PTPRZ1: variants seen among roughly 807,000 people sequenced by gnomAD.
PTPRZ1 encodes receptor-type tyrosine-protein phosphatase zeta.
Under a neutral mutation model 214.1 loss-of-function variants are expected in PTPRZ1, and 82 were observed. The observed-to-expected ratio is 0.38, with a 90% CI of 0.32 to 0.46. The LOEUF is 0.46. Among genes scored for constraint, PTPRZ1 ranks in the 20% least tolerant of loss-of-function variants. PTPRZ1 has a pLI of 1.00. For synonymous variants in PTPRZ1, 945 were observed against 987.9 expected (o/e 0.96, Z 0.81); for missense variants, 2,603 against 2,748.7 (o/e 0.95, Z 1.19).
chr7:122,020,349 G>A (rs879563577), intron 13 of PTPRZ1, among the ~76,000 whole-genome samples: 2 of 152,174 alleles, frequency 1.3e-5, no homozygotes, highest in Non-Finnish European at 2.9e-5. Context: ...TTACACAAAA[G>A]TGTATGCGTA....
chr7:122,057,050 T>C (rs1331048530), intron 27 of PTPRZ1, among the ~76,000 whole-genome samples: 1 of 152,008 alleles, frequency 6.6e-6, no homozygotes, highest in Non-Finnish European at 1.5e-5. Context: ...TTGTTGTGTT[T>C]TGTCTTGGTT....
intron 1 of PTPRZ1, chr7:121,908,785 C>T (rs777129320): frequency 1.0e-5 from 5 of 492,970 alleles, no homozygotes; most frequent in African/African-American, 3.9e-5. Flanking sequence ...TAGTGCTACT[C>T]ATCTTTCTGG....
chr7:121,926,478 G>A (rs1318897287), intron 1 of PTPRZ1, among the ~76,000 whole-genome samples: 1 of 152,030 alleles, frequency 6.6e-6, no homozygotes, highest in African/African-American at 2.4e-5. Context: ...GAAGGAGGAT[G>A]ATGTATTGAT....
chr7:121,874,061 C>CACACACACACACACACCT (rs1415912592), intron 1 of PTPRZ1, among the ~76,000 whole-genome samples: 15 of 151,764 alleles, frequency 9.9e-5, no homozygotes, highest in African/African-American at 3.6e-4. Context: ...CACACACACA[C>CACACACACACACACACCT]ACACCTGAAA....
chr7:122,028,986 C>A (rs894727655), intron 14 of PTPRZ1, among the ~76,000 whole-genome samples: 2 of 151,320 alleles, frequency 1.3e-5, no homozygotes, highest in Non-Finnish European at 3.0e-5. Flanking sequence ...GAAACCCAAG[C>A]AACAAAAGTC....
chr7:121,880,421 C>T (rs1794203150), intron 1 of PTPRZ1, among the ~76,000 whole-genome samples: 1 of 152,088 alleles, frequency 6.6e-6, no homozygotes, highest in Admixed American at 6.6e-5. Flanking sequence ...GAGAAACATT[C>T]TACCCTCTCT....
intron 2 of PTPRZ1, among the ~76,000 whole-genome samples, chr7:121,942,638 A>G (rs998068404): frequency 6.6e-6 from 1 of 152,230 alleles, no homozygotes; most frequent in East Asian, 1.9e-4. Flanking sequence ...ATGAGTTTTT[A>G]TGCCACCATC....
chr7:121,887,105 A>C (rs1462538041), intron 1 of PTPRZ1, among the ~76,000 whole-genome samples: 4 of 152,030 alleles, frequency 2.6e-5, no homozygotes, highest in Non-Finnish European at 5.9e-5. Context: ...GGGAAACATC[A>C]TCTCACCCAT....
intron 9 of PTPRZ1, 38 bp downstream of exon 9, chr7:121,996,604 T>C: frequency 7.0e-7 from 1 of 1,421,792 alleles, no homozygotes; most frequent in Non-Finnish European, 9.5e-7. Flanking sequence ...AGGGTAACAT[T>C]ATAATTTAAT....
At chr7:121,924,034 C>A (rs1169879650) in intron 1 of PTPRZ1, among the ~76,000 whole-genome samples, 1 of 151,794 alleles carries the variant, frequency 6.6e-6, no homozygotes, top group Non-Finnish European at 1.5e-5. Context: ...TTTAAGGTAA[C>A]CTTAAAAAAG....
At chr7:121,995,398 C>A (rs1298583368) in intron 8 of PTPRZ1, among the ~76,000 whole-genome samples, 1 of 152,092 alleles carries the variant, frequency 6.6e-6, no homozygotes, top group Admixed American at 6.5e-5. Context: ...GCAAATCTGG[C>A]CCATGAAGAG....
intron 1 of PTPRZ1, among the ~76,000 whole-genome samples, chr7:121,893,523 G>T (rs1794700356): frequency 6.6e-6 from 1 of 152,188 alleles, no homozygotes; most frequent in Non-Finnish European, 1.5e-5. Context: ...TCCCTTTACA[G>T]ATACAATGCA....
In PTPRZ1 at chr7:122,051,434, A is replaced by G. The variant is rs200853461; in HGVS notation, c.6091A>G (p.Ser2031Gly). 9.3e-6 allele frequency: 15 copies of G among 1,612,436 alleles called. No individual in the cohort carries two copies. The highest frequency in any genetic ancestry group is 2.7e-5 in the African/African-American group (2 of 74,794). Reference sequence around the variant, plus strand: ...TTTTTACTTTCTTGCCCAGCTCCTGAGCCAGTCAAATATACAGCAGAGTGA... The same window carrying G: ...TTTTTACTTTCTTGCCCAGCTCCTGGGCCAGTCAAATATACAGCAGAGTGA... ...TKLEKQFQLL[S>G]QSNIQQSDYS... Residue 2031 changes from serine (S) to glycine (G), a missense_variant, in exon 24 of 30, where the codon AGC (serine) becomes GGC (glycine). Physicochemically the swap from Ser to Gly is moderately conservative, Grantham distance 56 (BLOSUM62 0). Coordinates refer to ENST00000393386, the MANE Select transcript of PTPRZ1 (RefSeq NM_002851.3).
intron 23 of PTPRZ1, among the ~76,000 whole-genome samples, chr7:122,049,500 A>G (rs1329271406): frequency 2.0e-5 from 3 of 152,104 alleles, no homozygotes; most frequent in Non-Finnish European, 2.9e-5. Flanking sequence ...GCTTTGAGTG[A>G]TTAGAAAATG....
Position 122,034,363 on chromosome 7 carries a change from A to G in PTPRZ1, c.5269A>G (p.Ile1757Val), listed in dbSNP as rs1226043783. ...AGACAACAAGCACAAGAATCGATACATAAATATCGTTGCCTGTAAGTATAT... is the reference window on the plus strand; with the variant it reads ...AGACAACAAGCACAAGAATCGATACGTAAATATCGTTGCCTGTAAGTATAT... ...HPDNKHKNRY[I>V]NIVAYDHSRV... Residue 1757 changes from isoleucine to valine, a missense_variant, in exon 17 of 30, where the codon ATA becomes GTA. By Grantham distance (29) the Ile-to-Val change is conservative. Coordinates refer to ENST00000393386, the MANE Select transcript of PTPRZ1 (RefSeq NM_002851.3). 1 of 1,612,832 alleles carries G rather than the reference A, an allele frequency of 6.2e-7. No homozygotes were observed. Among genetic ancestry groups the G allele is most frequent in the Non-Finnish European group, 8.5e-7 (1 of 1,179,242 alleles).
Position 122,013,213 on chromosome 7 carries a change from A to G in PTPRZ1, c.4167A>G (p.Ser1389=). 4 of 1,614,176 alleles carry G rather than the reference A, an allele frequency of 2.5e-6. No individual in the cohort carries two copies. Among genetic ancestry groups the G allele is most frequent in the Non-Finnish European group, 3.4e-6 (4 of 1,180,028 alleles). ...CCCACAGAGATGGTTCTGTAACCTCAACAAAGTTGCTGTTTCCTTCTAAGG... is the reference window on the plus strand; with the variant it reads ...CCCACAGAGATGGTTCTGTAACCTCGACAAAGTTGCTGTTTCCTTCTAAGG... ...VSPHRDGSVT[S]TKLLFPSKAT... is the part of the protein sequence containing the mutation. Residue 1389 remains serine, a synonymous_variant, in exon 12 of 30, where the codon TCA becomes TCG. Coordinates refer to ENST00000393386, the MANE Select transcript of PTPRZ1 (RefSeq NM_002851.3).
intron 13 of PTPRZ1, among the ~76,000 whole-genome samples, chr7:122,020,001 AT>A (rs1798968137): frequency 6.6e-6 from 1 of 152,194 alleles, no homozygotes. Flanking sequence ...AAGGAATCAT[AT>A]GTGTAAACCA....
chr7:122,017,035 G>A (rs559965011), intron 12 of PTPRZ1, among the ~76,000 whole-genome samples: 5 of 151,962 alleles, frequency 3.3e-5, no homozygotes, highest in Non-Finnish European at 7.4e-5. Context: ...GCTATTCTGG[G>A]GATCAAACGT....
intron 2 of PTPRZ1, among the ~76,000 whole-genome samples, chr7:121,946,433 T>G (rs1357984406): frequency 6.6e-6 from 1 of 152,100 alleles, no homozygotes; most frequent in Non-Finnish European, 1.5e-5. Flanking sequence ...CTCCCTATAC[T>G]AATCCTAAAA....
Sources: gnomAD v4.1 joint callset for allele counts (sites outside exome capture counted in the v4.1 genomes callset) on GRCh38, gnomAD v4.1.1 for gene constraint, MANE v1.5 for transcripts, NCBI Gene and HGNC (gene_info 2026-07-23, HGNC 2026-07-21) for gene names.